ISOC2: variants seen among roughly 807,000 people sequenced by gnomAD.
The protein encoded by ISOC2 is isochorismatase domain containing 2.
Under a neutral mutation model 19.3 loss-of-function variants are expected in ISOC2, and 15 were observed. The observed-to-expected ratio is 0.78, with a 90% CI of 0.52 to 1.20. The LOEUF is 1.20. Ranked by LOEUF, ISOC2 falls within the 50% of genes most tolerant of loss-of-function variation. ISOC2 has a pLI of 0.00. For synonymous variants in ISOC2, 106 were observed against 115.8 expected, an observed-to-expected ratio of 0.92 and a Z score of 0.54; for missense variants, 285 against 272.4, an observed-to-expected ratio of 1.05 and a Z score of -0.33.
intron 1 of ISOC2, among the ~76,000 whole-genome samples, chr19:55,461,152 G>A (rs1267651087): frequency 1.3e-5 from 2 of 152,062 alleles, no homozygotes; most frequent in Admixed American, 6.6e-5. Context: ...CTGGAGGTGG[G>A]CGGCAACAGG....
chr19:55,460,443 C>A (rs544290939), intron 1 of ISOC2, among the ~76,000 whole-genome samples: 1 of 152,310 alleles, frequency 6.6e-6, no homozygotes, highest in South Asian at 2.1e-4. Context: ...GGAGCCTTTT[C>A]ACTGGGTCCT....
chr19:55,456,570 C>A, intron 1 of ISOC2, 81 bp from the exon 2 acceptor site: 1 of 1,545,190 alleles, frequency 6.5e-7, no homozygotes, highest in Admixed American at 1.9e-5. Context: ...TCCTCACACT[C>A]AGAGCCTGGC....
chr19:55,460,331 G>T (rs938590690), intron 1 of ISOC2, among the ~76,000 whole-genome samples: 1 of 152,194 alleles, frequency 6.6e-6, no homozygotes, highest in Non-Finnish European at 1.5e-5. Context: ...AAAGGGAGAG[G>T]AAAATGTGTC....
rs1599879870 is a variant in ISOC2, at chr19:55,453,167, A to G, written c.*141T>C. 1.5e-5 allele frequency: 8 copies of G among 543,210 alleles called. No individual in the cohort carries two copies. The East Asian group carries it at 2.8e-4, about 19-fold the overall frequency. The allele number at this position is 543,210 out of a possible 1,614,324, so 33.6% of individuals were successfully genotyped here. A position where few individuals can be genotyped will look rare whatever the true frequency, so the allele number is the denominator to read the frequency against. On this transcript the variant is annotated 3_prime_UTR_variant, in exon 6 of 6. Transcript: ENST00000425675. ...TTCCGGGAGCAGCTGTCCAATGGGAAGGCAGCACCCTGCCCCCCCCACAAG... is the reference window on the plus strand; with the variant it reads ...TTCCGGGAGCAGCTGTCCAATGGGAGGGCAGCACCCTGCCCCCCCCACAAG...
At chr19:55,461,153 C>A (rs1214649575) in intron 1 of ISOC2, among the ~76,000 whole-genome samples, 3 of 149,746 alleles carry the variant, frequency 2.0e-5, no homozygotes, top group African/African-American at 7.4e-5. Context: ...TGGAGGTGGG[C>A]GGCAACAGGG....
intron 5 of ISOC2, chr19:55,454,777 T>C (rs2277960): frequency 0.19 from 110,588 of 574,380 alleles, 11,230 homozygotes; most frequent in Admixed American, 0.26. Flanking sequence ...CTGGATTGCC[T>C]CCCCCATTTT....
rs117829106 is a variant in ISOC2 at position 55,461,616 on chromosome 19, C to A, written c.-108G>T. 0.019 allele frequency: 2,954 copies of A among 152,428 alleles called. 42 individuals carry two copies. Among genetic ancestry groups the A allele is most frequent in the Non-Finnish European group, 0.033 (2,233 of 68,068 alleles). 9.4% of individuals were successfully genotyped at this position (152,428 alleles called of 1,614,324 possible). On this transcript the variant is annotated 5_prime_UTR_variant, in exon 1 of 6. Transcript: ENST00000425675. ...GGCCACCGCTGAGGCCTCTTGCGGG[C>A]TTCCCAGGGCTGGTTACCGTTTCGT...
intron 1 of ISOC2, among the ~76,000 whole-genome samples, chr19:55,458,166 G>T (rs1986123601): frequency 6.6e-6 from 1 of 152,186 alleles, no homozygotes; most frequent in Non-Finnish European, 1.5e-5. Flanking sequence ...TCGACCCAGA[G>T]GGCCCGTTAA....
chr19:55,456,878 T>C (rs1051921375), intron 1 of ISOC2, among the ~76,000 whole-genome samples: 4 of 152,128 alleles, frequency 2.6e-5, no homozygotes, highest in Non-Finnish European at 4.4e-5. Context: ...TCAGCCTCAG[T>C]TACCATCTGC....
At position 55,454,744 on chromosome 19, in the gene ISOC2, C is replaced by A. The variant is rs1599881083; in HGVS notation, c.537+245G>T. 5 of 555,740 alleles carry A rather than the reference C, an allele frequency of 9.0e-6. No homozygotes were observed. The East Asian group carries it at 1.5e-4, about 17-fold the overall frequency. The allele number at this position is 555,740 out of a possible 1,614,324, so 34.4% of individuals were successfully genotyped here. On this transcript the variant is annotated intron_variant, in intron 5 of 5. Transcript: ENST00000425675. ...GCCCCCCAGACCCTCCAATACAAAC[C>A]CCCTCCTCTGTGCCCTGACCCTCTG...
At chr19:55,458,742 G>A (rs1160919469) in intron 1 of ISOC2, among the ~76,000 whole-genome samples, 1 of 151,820 alleles carries the variant, frequency 6.6e-6, no homozygotes, top group African/African-American at 2.4e-5. Flanking sequence ...TGGCCAGGCT[G>A]GTCTTGAACT....
intron 5 of ISOC2, chr19:55,454,142 C>G (rs569510704): frequency 6.5e-6 from 1 of 152,778 alleles, no homozygotes; most frequent in Non-Finnish European, 1.5e-5. Context: ...GCGTGGTGCT[C>G]ACCCTGGCCT....
chr19:55,454,144 C>T (rs1283952109), intron 5 of ISOC2: 1 of 152,668 alleles, frequency 6.6e-6, no homozygotes, highest in African/African-American at 2.4e-5. Context: ...GTGGTGCTCA[C>T]CCTGGCCTGC....
In ISOC2 at chr19:55,454,774, G is replaced by GCC. The variant is rs36072109; in HGVS notation, c.537+213_537+214dup. On this transcript the variant is annotated intron_variant, in intron 5 of 5. Coordinates refer to ENST00000425675, the MANE Select transcript of ISOC2 (RefSeq NM_001136201.2). ...CCTCTGTGCCCTGACCCTCTGGATTGCCTCCCCCATTTTATTGTTCTCTGT... is the reference window on the plus strand; with the variant it reads ...CCTCTGTGCCCTGACCCTCTGGATTGCCCCTCCCCCATTTTATTGTTCTCTGT... 1,952 of 575,574 alleles carry GCC rather than the reference G, an allele frequency of 3.4e-3. 22 individuals are homozygous for GCC. Among genetic ancestry groups the GCC allele is most frequent in the African/African-American group, 0.026 (1,395 of 52,988 alleles). The allele number at this position is 575,574 out of a possible 1,614,324, so 35.7% of individuals were successfully genotyped here.
At chr19:55,460,006 C>T (rs1328372957) in intron 1 of ISOC2, 1 of 152,208 alleles carries the variant, frequency 6.6e-6, no homozygotes, top group Admixed American at 6.5e-5. Context: ...CTGCATTTCT[C>T]AAAATGATGG....
chr19:55,454,372 G>A (rs1985975583), intron 5 of ISOC2: 1 of 153,728 alleles, frequency 6.5e-6, no homozygotes, highest in African/African-American at 2.4e-5. Flanking sequence ...TGGGTGCTCG[G>A]TGAATGTCCC....
chr19:55,460,391 G>A (rs1380563907), intron 1 of ISOC2, among the ~76,000 whole-genome samples: 1 of 152,206 alleles, frequency 6.6e-6, no homozygotes, highest in East Asian at 1.9e-4. Flanking sequence ...AGCAAGAAAC[G>A]GGAGACTCAG....
At position 55,456,465 on chromosome 19, in the gene ISOC2, G is replaced by C. The variant is rs779855596; in HGVS notation, c.22C>G (p.Leu8Val). MAAARPS[L>V]GRVLPGSSVL... The stretch of plus-strand genomic sequence containing the variant: ...GAGGATCCTGGGAGGACTCGGCCCA[G>C]GCTGGGCCTGGCAGCCGCCATTTTC... Residue 8 changes from leucine to valine, a missense_variant, in exon 2 of 6, where the codon CTG (leucine) becomes GTG (valine). Transcript: ENST00000425675. 18 of 1,613,522 alleles carry C rather than the reference G, an allele frequency of 1.1e-5. No individual in the cohort carries two copies. The highest frequency in any genetic ancestry group is 5.5e-5 in the South Asian group (5 of 91,080).
Position 55,455,707 on chromosome 19 carries a change from G to C in ISOC2, c.277C>G (p.Gln93Glu). The C allele has an allele frequency of 6.2e-7, 1 of 1,611,446 alleles. No individual in the cohort carries two copies. The highest frequency in any genetic ancestry group is 1.1e-5 in the South Asian group (1 of 90,570). ...TCFSMVPALQQELDSRPQLRS... is the reference protein window; with the variant it reads ...TCFSMVPALQEELDSRPQLRS... Reference sequence around the variant, plus strand: ...AGCTGGGGCCGACTGTCCAGCTCCTGCTGCAGGGCAGGCACCATGCTGAAG... The same window carrying C: ...AGCTGGGGCCGACTGTCCAGCTCCTCCTGCAGGGCAGGCACCATGCTGAAG... Residue 93 changes from glutamine to glutamate, a missense_variant, in exon 3 of 6, where the codon CAG becomes GAG. Physicochemically the swap from Gln to Glu is conservative, Grantham distance 29. Transcript: ENST00000425675.
Sources: allele counts gnomAD v4.1 joint callset (sites outside exome capture counted in the v4.1 genomes callset), GRCh38; gene constraint gnomAD v4.1.1; transcripts MANE v1.5; gene names NCBI Gene and HGNC (gene_info 2026-07-23, HGNC 2026-07-21).